The following EHD4 variants were observed in gnomAD, a reference collection of about 807,000 sequenced individuals.
EHD4 encodes EH domain containing 4.
EHD4 carries 37 observed loss-of-function variants against 51.0 expected under a neutral mutation model. The observed-to-expected ratio is 0.73, with a 90% CI of 0.56 to 0.95. EHD4 has a LOEUF of 0.95. EHD4 is among the 40% of genes least tolerant of loss of function. The pLI is 0.00. For synonymous variants in EHD4, 297 were observed against 317.3 expected (o/e 0.94, Z 0.68); for missense variants, 632 against 733.1 (o/e 0.86, Z 1.59).
intron 5 of EHD4, among the ~76,000 whole-genome samples, chr15:41,903,928 G>T (rs1465132083): frequency 1.3e-5 from 2 of 152,172 alleles, no homozygotes; most frequent in Non-Finnish European, 2.9e-5. Flanking sequence ...TCACTAGCAT[G>T]TCACTCCTGA....
intron 2 of EHD4, among the ~76,000 whole-genome samples, chr15:41,948,299 G>A (rs2067828849): frequency 6.6e-6 from 1 of 151,788 alleles, no homozygotes; most frequent in Non-Finnish European, 1.5e-5. Context: ...CTACCACCCA[G>A]GGAACCACCA....
intron 3 of EHD4, among the ~76,000 whole-genome samples, chr15:41,939,967 C>T (rs1182715384): frequency 6.6e-6 from 1 of 152,056 alleles, no homozygotes; most frequent in African/African-American, 2.4e-5. Flanking sequence ...CGTTTACTCC[C>T]CTGGAATGCT....
intron 5 of EHD4, among the ~76,000 whole-genome samples, chr15:41,906,580 G>A (rs140044072): frequency 4.6e-5 from 7 of 152,352 alleles, no homozygotes; most frequent in South Asian, 4.1e-4. Context: ...CAGGGTAGCC[G>A]TGCCACTCAA....
intron 1 of EHD4, among the ~76,000 whole-genome samples, chr15:41,955,930 G>A (rs1199524851): frequency 1.3e-5 from 2 of 152,214 alleles, no homozygotes; most frequent in Non-Finnish European, 2.9e-5. Flanking sequence ...CTCACGTCCA[G>A]TTTGATTTTT....
At chr15:41,961,808 G>A (rs910230014) in intron 1 of EHD4, among the ~76,000 whole-genome samples, 6 of 152,156 alleles carry the variant, frequency 3.9e-5, no homozygotes, top group Non-Finnish European at 5.9e-5. Flanking sequence ...TGATATGAAT[G>A]CCTACTTCCT....
intron 1 of EHD4, among the ~76,000 whole-genome samples, chr15:41,971,536 AAC>A (rs1465665364): frequency 1.3e-5 from 2 of 152,238 alleles, no homozygotes; most frequent in Non-Finnish European, 2.9e-5. Flanking sequence ...TGCTTTCAGA[AAC>A]ACGGTAAGCA....
chr15:41,903,364 C>A (rs1357501565), intron 5 of EHD4, among the ~76,000 whole-genome samples: 2 of 135,906 alleles, frequency 1.5e-5, no homozygotes, highest in East Asian at 2.3e-4. Context: ...GTAAGCAAAA[C>A]TAAAAATTTA....
chr15:41,962,674 C>T (rs1053371757), intron 1 of EHD4, among the ~76,000 whole-genome samples: 4 of 151,732 alleles, frequency 2.6e-5, no homozygotes, highest in East Asian at 1.9e-4. Context: ...GGGAGGGAGG[C>T]GGGGGGCAGC....
rs867733492 is a variant in EHD4 at position 41,972,478 on chromosome 15, C to G, written c.17G>C (p.Gly6Ala). 7.2e-6 allele frequency: 11 copies of G among 1,537,524 alleles called. No homozygotes were observed. Among genetic ancestry groups the G allele is most frequent in the Non-Finnish European group, 9.6e-6 (11 of 1,145,198 alleles). The change falls in exon 1 of 6, where the codon GGG (glycine) becomes GCG (alanine). Residue 6 changes from glycine (G) to alanine (A), a missense_variant. Transcript: ENST00000220325. The part of the protein sequence containing the change: MFSWM[G>A]RQAGGRERAG... ...GCGTTCGCGCCCGCCCGCCTGCCGC[C>G]CCATCCAGCTGAACATCCTGCCGCC... is the stretch of plus-strand genomic sequence containing the variant.
chr15:41,931,980 T>C (rs780616393), intron 3 of EHD4, among the ~76,000 whole-genome samples: 3 of 152,046 alleles, frequency 2.0e-5, no homozygotes, highest in Non-Finnish European at 4.4e-5. Context: ...CAGCCAGCAA[T>C]TTCTTTTTTT....
At chr15:41,918,261 T>C (rs2067599255) in intron 4 of EHD4, among the ~76,000 whole-genome samples, 1 of 149,944 alleles carries the variant, frequency 6.7e-6, no homozygotes, top group Non-Finnish European at 1.5e-5. Context: ...TTTACACACA[T>C]GCATATTCAC....
intron 3 of EHD4, among the ~76,000 whole-genome samples, chr15:41,935,431 A>G (rs2067725736): frequency 6.6e-6 from 1 of 152,092 alleles, no homozygotes; most frequent in African/African-American, 2.4e-5. Context: ...CAGACATTCA[A>G]CATAAGAAAA....
chr15:41,958,656 A>G (rs558853649), intron 1 of EHD4, among the ~76,000 whole-genome samples: 1 of 152,182 alleles, frequency 6.6e-6, no homozygotes, highest in Non-Finnish European at 1.5e-5. Flanking sequence ...GAGCTTAAGA[A>G]TGAATAAAAA....
rs1566829739 is a variant in EHD4, at chr15:41,972,303, G to A, written c.192C>T (p.Ile64=). Residue 64 remains isoleucine, a synonymous_variant, in exon 1 of 6, where the codon ATC becomes ATT. Transcript: ENST00000220325. ...EDADFENKPM[I]LLVGQYSTGK... The stretch of plus-strand genomic sequence containing the variant: ...CGGTGCTGTACTGGCCCACCAGCAG[G>A]ATCATGGGCTTGTTCTCGAAGTCGG... The A allele has an allele frequency of 6.8e-6, 11 of 1,610,816 alleles. No homozygotes were observed. The highest frequency in any genetic ancestry group is 2.2e-5 in the East Asian group (1 of 44,666).
intron 5 of EHD4, among the ~76,000 whole-genome samples, chr15:41,907,477 C>T (rs2067520079): frequency 6.6e-6 from 1 of 152,180 alleles, no homozygotes; most frequent in Admixed American, 6.5e-5. Flanking sequence ...CAGGAATACC[C>T]ATTTCACTGC....
intron 1 of EHD4, among the ~76,000 whole-genome samples, chr15:41,970,502 G>C (rs567264704): frequency 6.6e-6 from 1 of 152,372 alleles, no homozygotes; most frequent in Non-Finnish European, 1.5e-5. Flanking sequence ...AGAGAGAAGA[G>C]TGAGAATATA....
intron 3 of EHD4, among the ~76,000 whole-genome samples, chr15:41,922,253 G>A (rs1381271805): frequency 1.3e-5 from 2 of 152,120 alleles, no homozygotes; most frequent in African/African-American, 4.8e-5. Context: ...ACTGGGTGTG[G>A]TGGCGTATGC....
At chr15:41,952,464 T>G (rs1397348705) in intron 2 of EHD4, among the ~76,000 whole-genome samples, 1 of 151,836 alleles carries the variant, frequency 6.6e-6, no homozygotes, top group Admixed American at 6.6e-5. Flanking sequence ...AAAAAAGCAT[T>G]ACACAAACGC....
In EHD4 at chr15:41,901,235, C is replaced by G. The variant is rs188794141; in HGVS notation, c.1090-54G>C. The stretch of plus-strand genomic sequence containing the variant: ...TACATGTGGTCTCTTCAGGGGGAAA[C>G]AGTTGGGGGCCACTGGAGGGAGACT... On this transcript the variant is annotated intron_variant, in intron 5 of 5. Coordinates refer to ENST00000220325, the MANE Select transcript of EHD4 (RefSeq NM_139265.4). 5.3e-4 allele frequency: 793 copies of G among 1,492,830 alleles called. 4 individuals carry two copies. In the African/African-American group the frequency reaches 0.01, roughly 19 times the overall value. 92.5% of individuals were successfully genotyped at this position (1,492,830 alleles called of 1,614,324 possible). A position where few individuals can be genotyped will look rare whatever the true frequency, so the allele number is the denominator to read the frequency against.
Sources: allele counts gnomAD v4.1 joint callset (sites outside exome capture counted in the v4.1 genomes callset), GRCh38; gene constraint gnomAD v4.1.1; transcripts MANE v1.5; gene names NCBI Gene and HGNC (gene_info 2026-07-23, HGNC 2026-07-21).